PLXNA4: variants seen among roughly 807,000 people sequenced by gnomAD.
PLXNA4 encodes plexin-A4.
A neutral mutation model predicts 191.8 loss-of-function variants in PLXNA4; 44 were observed. The ratio of observed to expected loss-of-function variants is 0.23; its 90% confidence interval spans 0.18 to 0.29. PLXNA4 has a LOEUF of 0.29. PLXNA4 is among the 10% of genes least tolerant of loss of function. The pLI, the probability that PLXNA4 is intolerant of heterozygous loss-of-function variation, is 1.00. For synonymous variants in PLXNA4, 1,082 were observed against 1,009.5 expected (o/e 1.07, Z -1.36); for missense variants, 1,800 against 2,488.8 (o/e 0.72, Z 5.89).
chr7:132,257,776 G>A (rs1298141318), intron 4 of PLXNA4, among the ~76,000 whole-genome samples: 5 of 152,210 alleles, frequency 3.3e-5, no homozygotes, highest in South Asian at 4.1e-4. Flanking sequence ...AGGGAAGGCC[G>A]TGGGCTGGTT....
intron 25 of PLXNA4, among the ~76,000 whole-genome samples, chr7:132,155,972 G>A (rs1179878894): frequency 6.6e-6 from 1 of 152,118 alleles, no homozygotes; most frequent in Non-Finnish European, 1.5e-5. Context: ...TTGAGAAAGT[G>A]GGAATTCTGC....
Position 132,123,694 on chromosome 7 carries a change from C to A in PLXNA4, c.*6785G>T, listed in dbSNP as rs908758409. ...TTTGTTCTAACAAAGGGTCAATGTT[C>A]GAGGTGGGAGCTTTAGTTTGAAACA... On this transcript the variant is annotated 3_prime_UTR_variant, in exon 32 of 32. Transcript: ENST00000321063. 6.6e-6 allele frequency: 1 copy of A among 152,062 alleles called. No individual in the cohort carries two copies. The highest frequency in any genetic ancestry group is 1.5e-5 in the Non-Finnish European group (1 of 68,022). The allele number at this position is 152,062 out of a possible 1,614,324, so 9.4% of individuals were successfully genotyped here. A position where few individuals can be genotyped will look rare whatever the true frequency, so the allele number is the denominator to read the frequency against.
At chr7:132,206,304 AT>A (rs1797614123) in intron 10 of PLXNA4, among the ~76,000 whole-genome samples, 1 of 152,202 alleles carries the variant, frequency 6.6e-6, no homozygotes, top group South Asian at 2.1e-4. Flanking sequence ...TGGGGATGCT[AT>A]GCAAAACTAT....
chr7:132,350,309 GC>G (rs1803428579), intron 3 of PLXNA4, among the ~76,000 whole-genome samples: 1 of 152,054 alleles, frequency 6.6e-6, no homozygotes, highest in Non-Finnish European at 1.5e-5. Context: ...TTTGAGACCA[GC>G]CTGGCCAACA....
At chr7:132,536,287 T>G (rs188360974) in intron 1 of PLXNA4, among the ~76,000 whole-genome samples, 83 of 152,324 alleles carry the variant, frequency 5.4e-4, no homozygotes, top group African/African-American at 1.9e-3. Flanking sequence ...CAGTTTTTCT[T>G]CCCGTCGTTC....
chr7:132,140,544 G>A, intron 30 of PLXNA4, 55 bp downstream of exon 30: 1 of 1,593,054 alleles, frequency 6.3e-7, no homozygotes, highest in Non-Finnish European at 8.5e-7. Context: ...TTTTGTTGAG[G>A]GAGCTGCTGG....
chr7:132,336,899 C>A (rs953720674), intron 3 of PLXNA4, among the ~76,000 whole-genome samples: 2 of 152,200 alleles, frequency 1.3e-5, no homozygotes, highest in Non-Finnish European at 2.9e-5. Context: ...AGTTAAAAGC[C>A]AATTCAAACA....
intron 11 of PLXNA4, 73 bp downstream of exon 11, chr7:132,203,250 T>A (rs764989217): frequency 7.2e-5 from 100 of 1,392,384 alleles, no homozygotes; most frequent in Non-Finnish European, 9.8e-5. Flanking sequence ...CCCGCGAGAA[T>A]GCAGGACGGC....
chr7:132,526,166 G>A (rs1437937684), intron 1 of PLXNA4, among the ~76,000 whole-genome samples: 1 of 152,164 alleles, frequency 6.6e-6, no homozygotes, highest in Non-Finnish European at 1.5e-5. Flanking sequence ...TTTAGTACTG[G>A]AAGGAAAATC....
At chr7:132,588,681 G>GAAGGGAAGGT (rs1300223018) in intron 2 of PLXNA4, among the ~76,000 whole-genome samples, 1 of 108,652 alleles carries the variant, frequency 9.2e-6, no homozygotes, top group African/African-American at 3.6e-5. Flanking sequence ...GAAGGGAAGG[G>GAAGGGAAGGT]AGGAGGGAGG....
chr7:132,629,549 A>C (rs1213005770), intron 2 of PLXNA4, among the ~76,000 whole-genome samples: 1 of 152,354 alleles, frequency 6.6e-6, no homozygotes, highest in East Asian at 1.9e-4. Context: ...GATGAAACTG[A>C]TGCATACTGA....
intron 1 of PLXNA4, among the ~76,000 whole-genome samples, chr7:132,529,286 C>T (rs1333218233): frequency 6.6e-6 from 1 of 152,222 alleles, no homozygotes; most frequent in Non-Finnish European, 1.5e-5. Flanking sequence ...CTCATCCCCA[C>T]TCTACCTCAT....
chr7:132,497,301 A>G (rs1798065502), intron 2 of PLXNA4, among the ~76,000 whole-genome samples: 1 of 152,240 alleles, frequency 6.6e-6, no homozygotes, highest in Admixed American at 6.5e-5. Context: ...GCTCTGCAGT[A>G]CAGGGAGATA....
intron 3 of PLXNA4, among the ~76,000 whole-genome samples, chr7:132,469,920 G>A (rs907822568): frequency 1.3e-5 from 2 of 152,174 alleles, no homozygotes; most frequent in South Asian, 4.1e-4. Flanking sequence ...GGTCGGTGGT[G>A]ACTCCCCTTT....
chr7:132,226,629 G>A (rs552036150), intron 7 of PLXNA4, among the ~76,000 whole-genome samples: 3 of 152,318 alleles, frequency 2.0e-5, no homozygotes, highest in Non-Finnish European at 4.4e-5. Context: ...CACAAACTGC[G>A]CAAGAAGTTT....
intron 1 of PLXNA4, among the ~76,000 whole-genome samples, chr7:132,521,954 G>A (rs1799204836): frequency 6.6e-6 from 1 of 152,148 alleles, no homozygotes; most frequent in African/African-American, 2.4e-5. Context: ...CCCAGGGCAG[G>A]GCCTGGCAGA....
At position 132,437,431 on chromosome 7, in the gene PLXNA4, GAC is replaced by G. The variant is rs143741674; in HGVS notation, c.1371+51859_1371+51860del. 2.2e-3 allele frequency among the ~76,000 whole-genome samples: 340 copies of G among 152,290 alleles called. 1 individual carries two copies. The highest frequency in any genetic ancestry group is 7.8e-3 in the African/African-American group (324 of 41,550). ...ATGTTTGCATGCAAGCACGTGCACA[GAC>G]ACACACATTCTTACAAATGAAACTG... On this transcript the variant is annotated intron_variant, in intron 3 of 31. Transcript: ENST00000321063.
At chr7:132,352,102 A>G (rs779324654) in intron 3 of PLXNA4, among the ~76,000 whole-genome samples, 1 of 152,194 alleles carries the variant, frequency 6.6e-6, no homozygotes, top group Non-Finnish European at 1.5e-5. Context: ...TTCAGCTGGA[A>G]TAGGGTCCCT....
chr7:132,532,392 G>T (rs1196528178), intron 1 of PLXNA4, among the ~76,000 whole-genome samples: 1 of 152,184 alleles, frequency 6.6e-6, no homozygotes, highest in African/African-American at 2.4e-5. Context: ...TTTCTAGAAA[G>T]TTTCCAGGTA....
Sources: allele counts gnomAD v4.1 joint callset (sites outside exome capture counted in the v4.1 genomes callset), GRCh38; gene constraint gnomAD v4.1.1; transcripts MANE v1.5; gene names NCBI Gene and HGNC (gene_info 2026-07-23, HGNC 2026-07-21).